The following SIN3B variants were observed in gnomAD, a reference collection of about 807,000 sequenced individuals.
SIN3B encodes SIN3 transcription regulator family member B.
In SIN3B, 19 loss-of-function variants were observed where a neutral mutation model predicts 120.2. The ratio of observed to expected loss-of-function variants is 0.16; its 90% CI spans 0.11 to 0.23. The LOEUF is 0.23. SIN3B is among the 10% of genes least tolerant of loss of function. SIN3B has a pLI of 1.00. For synonymous variants in SIN3B, 654 were observed against 653.2 expected (o/e 1.00, Z -0.02); for missense variants, 1,073 against 1,573.0 (o/e 0.68, Z 5.38).
At chr19:16,867,301 G>T (rs925340521) in intron 12 of SIN3B, among the ~76,000 whole-genome samples, 5 of 152,234 alleles carry the variant, frequency 3.3e-5, no homozygotes, top group Non-Finnish European at 7.3e-5. Context: ...TGGGCTGGTC[G>T]CAGGGGGCCA....
chr19:16,861,086 C>T (rs533087807), intron 8 of SIN3B, among the ~76,000 whole-genome samples: 2 of 152,240 alleles, frequency 1.3e-5, no homozygotes, highest in Admixed American at 1.3e-4. Flanking sequence ...ATTGTAGGGT[C>T]ATTTGCATTA....
intron 12 of SIN3B, among the ~76,000 whole-genome samples, chr19:16,867,443 T>C (rs1475517561): frequency 1.3e-5 from 2 of 152,170 alleles, no homozygotes; most frequent in Non-Finnish European, 2.9e-5. Flanking sequence ...TAGCTGTGTG[T>C]AGGGAGTGCC....
Position 16,862,641 on chromosome 19 carries a change from T to A in SIN3B, c.1266+82T>A, listed in dbSNP as rs559797270. ...CAGCAAACACCCGATACCCCCGTTA[T>A]GAATGAAATGCTGTGTGCTCAGCCC... On this transcript the variant is annotated intron_variant, in intron 9 of 18. Coordinates refer to ENST00000248054, the MANE Select transcript of SIN3B (RefSeq NM_001297595.2). The surrounding 1 kb of genome is among the most constrained non-coding windows in gnomAD (Gnocchi z 4.7). 7.5e-7 allele frequency: 1 copy of A among 1,335,554 alleles called. No homozygotes were observed. Among genetic ancestry groups the A allele is most frequent in the South Asian group, 1.2e-5 (1 of 83,504 alleles). 82.7% of individuals were successfully genotyped at this position (1,335,554 alleles called of 1,614,324 possible).
At chr19:16,853,219 T>C in intron 7 of SIN3B, 61 bp downstream of exon 7, 1 of 1,472,190 alleles carries the variant, frequency 6.8e-7, no homozygotes, top group Non-Finnish European at 9.5e-7. Context: ...GGGCCAATGC[T>C]CCCTGGGCCT....
chr19:16,841,728 C>T, intron 3 of SIN3B, 40 bp from the exon 4 acceptor site: 2 of 1,580,268 alleles, frequency 1.3e-6, no homozygotes, highest in Non-Finnish European at 1.7e-6. Context: ...AATCTGTTTC[C>T]AGTGTCGGGC....
chr19:16,866,585 G>A (rs1568423472), intron 12 of SIN3B, 29 bp downstream of exon 12: 1 of 1,609,088 alleles, frequency 6.2e-7, no homozygotes, highest in South Asian at 1.1e-5. Flanking sequence ...CTGCCGGCCG[G>A]TGGGGGTGGG....
At chr19:16,877,660 T>A (rs776931721) in intron 17 of SIN3B, 21 bp downstream of exon 17, 1 of 1,537,472 alleles carries the variant, frequency 6.5e-7, no homozygotes, top group Admixed American at 1.8e-5. Context: ...CTGAGATGCA[T>A]GCTCTGTTCC....
intron 9 of SIN3B, chr19:16,863,153 G>A (rs1371363841): frequency 6.8e-6 from 4 of 588,290 alleles, no homozygotes; most frequent in Non-Finnish European, 1.2e-5. Flanking sequence ...GATGGTTGCT[G>A]TCTGACCCTT....
At chr19:16,854,725 G>A (rs1971589462) in intron 8 of SIN3B, 1 of 155,072 alleles carries the variant, frequency 6.4e-6, no homozygotes, top group African/African-American at 2.4e-5. Flanking sequence ...GCCCTGCAGT[G>A]GGGTGGCGTC....
Position 16,878,190 on chromosome 19 carries a change from A to G in SIN3B, c.2962A>G (p.Lys988Glu). 6.4e-7 allele frequency: 1 copy of G among 1,572,430 alleles called. No individual in the cohort carries two copies. The highest frequency in any genetic ancestry group is 8.6e-7 in the Non-Finnish European group (1 of 1,156,690). Reference protein sequence around the residue: ...LKPVFLQRNLKKFRRRWQSEQ... With the variant: ...LKPVFLQRNLEKFRRRWQSEQ... The stretch of plus-strand genomic sequence containing the variant: ...ACCTCCTTTCGCCCCCAGGAACCTC[A>G]AGAAGTTCCGCCGCCGGTGGCAGAG... Residue 988 changes from lysine to glutamate, a missense_variant, in exon 18 of 19, where the codon AAG (lysine) becomes GAG (glutamate). Around this residue, in one of 7 missense-constraint regions of SIN3B, gnomAD observed 311 missense variants for 400.3 expected, o/e 0.78. Transcript: ENST00000248054.
At chr19:16,877,036 G>T (rs530918312) in intron 16 of SIN3B, 48 of 196,112 alleles carry the variant, frequency 2.4e-4, no homozygotes, top group African/African-American at 1.0e-3. Flanking sequence ...GCATTGACCC[G>T]TGTGTGTCCC....
intron 11 of SIN3B, 63 bp downstream of exon 11, chr19:16,865,711 CCT>C: frequency 9.4e-7 from 1 of 1,068,612 alleles, no homozygotes; most frequent in Non-Finnish European, 1.4e-6. Context: ...CCTCCCCTCC[CCT>C]CCCCTCCCCA....
intron 10 of SIN3B, 82 bp downstream of exon 10, chr19:16,863,878 CTGCCCCAGTCTCGTTTG>C: frequency 1.1e-6 from 1 of 941,450 alleles, no homozygotes; most frequent in Non-Finnish European, 1.7e-6. Context: ...TCCTCCTCCA[CTGCCCCAGTCTCGTTTG>C]GAGGAGCAGG....
chr19:16,874,785 G>A (rs1243718757), intron 14 of SIN3B, among the ~76,000 whole-genome samples: 1 of 150,950 alleles, frequency 6.6e-6, no homozygotes, highest in African/African-American at 2.4e-5. Flanking sequence ...GTTTGGTCTG[G>A]TTTGGTGTGG....
rs547758774 is a variant in SIN3B at position 16,846,918 on chromosome 19, G to A, written c.583-52G>A. The A allele has an allele frequency of 9.8e-5, 156 of 1,585,352 alleles. 1 individual carries two copies. The Admixed American group carries it at 2.6e-3, about 26-fold the overall frequency. ...GGCTGCCTGAGTGTCCCGGCCCAGG[G>A]CACAGCACTCCTTGACTAACGACTT... is the stretch of plus-strand genomic sequence containing the variant. On this transcript the variant is annotated intron_variant, in intron 4 of 18. Coordinates refer to ENST00000248054, the MANE Select transcript of SIN3B (RefSeq NM_001297595.2).
intron 9 of SIN3B, 97 bp from the exon 10 acceptor site, chr19:16,863,583 A>T: frequency 2.5e-6 from 2 of 791,736 alleles, no homozygotes; most frequent in African/African-American, 1.7e-5. Context: ...ATGTATCAGG[A>T]TGGTATTATG....
rs1348042083 is a variant in SIN3B, at chr19:16,866,367, C to A, written c.1623-6C>A. 6.2e-7 allele frequency: 1 copy of A among 1,609,832 alleles called. No individual in the cohort carries two copies. The highest frequency in any genetic ancestry group is 1.7e-5 in the Admixed American group (1 of 59,260). ...TCCCTGGTGCTGACCTCTCTTCCCCCCGCAGACTGAAGGCCAAGGAAGAGG... is the reference window on the plus strand; with the variant it reads ...TCCCTGGTGCTGACCTCTCTTCCCCACGCAGACTGAAGGCCAAGGAAGAGG... On this transcript the variant is annotated splice_region_variant and splice_polypyrimidine_tract_variant and intron_variant, in intron 11 of 18. Coordinates refer to ENST00000248054, the MANE Select transcript of SIN3B (RefSeq NM_001297595.2).
intron 17 of SIN3B, 53 bp downstream of exon 17, chr19:16,877,692 T>G: frequency 8.0e-7 from 1 of 1,249,856 alleles, no homozygotes; most frequent in Non-Finnish European, 1.2e-6. Context: ...GCCCAGGGAG[T>G]GTCCCCTTTG....
intron 10 of SIN3B, chr19:16,865,191 G>A: frequency 1.8e-6 from 1 of 543,296 alleles, no homozygotes. Flanking sequence ...CTACGTGGGA[G>A]GCTAAGGTGG....
Sources: gnomAD v4.1 joint callset for allele counts (sites outside exome capture counted in the v4.1 genomes callset) on GRCh38, gnomAD v4.1.1 for gene constraint, gnomAD v4.1.1 regional missense constraint, Gnocchi (gnomAD v3.1) non-coding constraint, MANE v1.5 for transcripts, NCBI Gene and HGNC (gene_info 2026-07-23, HGNC 2026-07-21) for gene names.